Variants in SH3RF3 observed in about 807,000 individuals in gnomAD.
The protein encoded by SH3RF3 is SH3 domain containing ring finger 3.
Under a neutral mutation model 66.3 loss-of-function variants are expected in SH3RF3, and 29 were observed. The ratio of observed to expected loss-of-function variants is 0.44; its 90% confidence interval spans 0.33 to 0.60. SH3RF3 has a LOEUF of 0.60. Among genes scored for constraint, SH3RF3 ranks in the 20% least tolerant of loss-of-function variants. The probability of loss-of-function intolerance (pLI) is 0.04; values close to 1 mark genes in which losing one functional copy is unlikely to be tolerated. For missense variants in SH3RF3, 1,194 were observed against 1,190.9 expected (o/e 1.00, Z -0.04); for synonymous variants, 583 against 532.0 (o/e 1.10, Z -1.32).
chr2:109,256,665 T>G lies in SH3RF3; in HGVS notation c.574-91009T>G, dbSNP rs536457678. Among the ~76,000 whole-genome samples the G allele has an allele frequency of 2.0e-5, 3 of 152,304 alleles. No individual in the cohort carries two copies. In the East Asian group the frequency reaches 5.8e-4, roughly 29 times the overall value. ...ATTACTTTTTCCCTAGTCTTCGTGG[T>G]CTAAGTTTTGTTTTCTCAATCTTTC... On this transcript the variant is annotated intron_variant, in intron 1 of 9. Transcript: ENST00000309415.
intron 1 of SH3RF3, among the ~76,000 whole-genome samples, chr2:109,210,350 A>T (rs60120165): frequency 0.016 from 2,384 of 152,300 alleles, 80 homozygotes; most frequent in African/African-American, 0.053. Context: ...TTTTAATGTC[A>T]CTGATCTGTG....
chr2:109,387,816 C>T (rs971954096), intron 3 of SH3RF3, among the ~76,000 whole-genome samples: 12 of 152,104 alleles, frequency 7.9e-5, no homozygotes, highest in African/African-American at 2.9e-4. Context: ...CAGTAGGTGC[C>T]CAATTCCACC....
chr2:109,489,751 C>T (rs537523756), intron 8 of SH3RF3, among the ~76,000 whole-genome samples: 17 of 96,962 alleles, frequency 1.8e-4, no homozygotes, highest in Admixed American at 1.6e-3. Context: ...GGGGGGTGGG[C>T]GGGGGGGACG....
intron 7 of SH3RF3, among the ~76,000 whole-genome samples, chr2:109,439,281 G>A (rs368466902): frequency 3.3e-5 from 5 of 152,044 alleles, no homozygotes; most frequent in African/African-American, 1.2e-4. Context: ...ATGGTTAAAC[G>A]GCTCCCCAGT....
In SH3RF3 at chr2:109,150,171, C is replaced by A. The variant is rs1479173152; in HGVS notation, c.573+20058C>A. Among the ~76,000 whole-genome samples the A allele has an allele frequency of 2.0e-5, 3 of 152,110 alleles. No homozygotes were observed. The East Asian group carries it at 5.8e-4, about 29-fold the overall frequency. Reference sequence around the variant, plus strand: ...TTGTGAGAGCCAGCACCTGGAGAATCCTGCCAGATCTGCACCTGGAAGATG... The same window carrying A: ...TTGTGAGAGCCAGCACCTGGAGAATACTGCCAGATCTGCACCTGGAAGATG... On this transcript the variant is annotated intron_variant, in intron 1 of 9. Coordinates refer to ENST00000309415, the MANE Select transcript of SH3RF3 (RefSeq NM_001099289.3).
chr2:109,399,025 C>T, intron 4 of SH3RF3, 82 bp downstream of exon 4: 2 of 1,405,590 alleles, frequency 1.4e-6, no homozygotes, highest in African/African-American at 1.4e-5. Flanking sequence ...TCCCCCGTTC[C>T]TCAACTAGCA....
intron 1 of SH3RF3, among the ~76,000 whole-genome samples, chr2:109,326,647 TTTCTACA>T (rs1433716033): frequency 6.6e-6 from 1 of 152,242 alleles, no homozygotes; most frequent in Middle Eastern, 3.2e-3. Flanking sequence ...TTCATAGCCT[TTTCTACA>T]ATGCCTGTTT....
intron 3 of SH3RF3, among the ~76,000 whole-genome samples, chr2:109,380,164 T>C (rs1050744408): frequency 6.6e-6 from 1 of 152,192 alleles, no homozygotes; most frequent in African/African-American, 2.4e-5. Context: ...TTGGGTTTGT[T>C]TGTCTCCAGC....
chr2:109,429,012 C>G (rs775109998), intron 5 of SH3RF3, among the ~76,000 whole-genome samples: 3 of 152,178 alleles, frequency 2.0e-5, no homozygotes, highest in Non-Finnish European at 4.4e-5. Context: ...AACTGGCAGT[C>G]CTGACAGGAC....
chr2:109,130,114 G>A lies in SH3RF3; in HGVS notation c.573+1G>A. The A allele has an allele frequency of 7.6e-7, 1 of 1,308,014 alleles. No homozygotes were observed. Among genetic ancestry groups the A allele is most frequent in the Non-Finnish European group, 9.7e-7 (1 of 1,032,372 alleles). 81.0% of individuals were successfully genotyped at this position (1,308,014 alleles called of 1,614,324 possible). A position where few individuals can be genotyped will look rare whatever the true frequency, so the allele number is the denominator to read the frequency against. On this transcript the variant is annotated splice_donor_variant, in intron 1 of 9. Transcript: ENST00000309415. LOFTEE classifies it high-confidence loss of function. Reference sequence around the variant, plus strand: ...CAGCAGGACCGCGCCGGCGGCAAAGGTGAGTATCTGTCTCGGCGGAAGTGG... The same window carrying A: ...CAGCAGGACCGCGCCGGCGGCAAAGATGAGTATCTGTCTCGGCGGAAGTGG...
intron 5 of SH3RF3, among the ~76,000 whole-genome samples, chr2:109,421,871 C>T (rs920487330): frequency 1.3e-5 from 2 of 152,188 alleles, no homozygotes; most frequent in African/African-American, 4.8e-5. Context: ...GGCTGTTATA[C>T]TGAGTAGCAG....
intron 8 of SH3RF3, among the ~76,000 whole-genome samples, chr2:109,466,381 G>T (rs949704567): frequency 6.6e-6 from 1 of 152,116 alleles, no homozygotes; most frequent in African/African-American, 2.4e-5. Context: ...CGCCCAGCCT[G>T]TACATCTTTT....
At chr2:109,233,297 G>T (rs1259255107) in intron 1 of SH3RF3, among the ~76,000 whole-genome samples, 1 of 152,212 alleles carries the variant, frequency 6.6e-6, no homozygotes, top group African/African-American at 2.4e-5. Context: ...AGTGATGGAG[G>T]TGGCTCTCAG....
intron 8 of SH3RF3, among the ~76,000 whole-genome samples, chr2:109,469,791 C>A (rs1678455328): frequency 6.6e-6 from 1 of 152,168 alleles, no homozygotes; most frequent in South Asian, 2.1e-4. Flanking sequence ...AGCCAGAAAA[C>A]CGTGCTTTTC....
At chr2:109,314,666 A>G (rs988138684) in intron 1 of SH3RF3, among the ~76,000 whole-genome samples, 1 of 152,256 alleles carries the variant, frequency 6.6e-6, no homozygotes, top group Non-Finnish European at 1.5e-5. Context: ...ATCCTCCTTT[A>G]CATGCATAAG....
In SH3RF3 at chr2:109,419,466, T is replaced by C. The variant is rs949262319; in HGVS notation, c.1300-73T>C. ...AGCACAGGCACCTGTGGATGCAGCC[T>C]CATTTTGCTTTTCTCTTTCCCTTGG... On this transcript the variant is annotated intron_variant, in intron 4 of 9. Coordinates refer to ENST00000309415, the MANE Select transcript of SH3RF3 (RefSeq NM_001099289.3). The C allele has an allele frequency of 1.6e-5, 24 of 1,458,674 alleles. 1 individual carries two copies. The Middle Eastern group carries it at 1.6e-3, about 94-fold the overall frequency. The allele number at this position is 1,458,674 out of a possible 1,614,324, so 90.4% of individuals were successfully genotyped here.
chr2:109,154,723 GGGGGGTGAT>G (rs1339431498), intron 1 of SH3RF3, among the ~76,000 whole-genome samples: 2 of 152,206 alleles, frequency 1.3e-5, no homozygotes, highest in African/African-American at 4.8e-5. Flanking sequence ...CAAGGTCTGT[GGGGGGTGAT>G]GGTAGGGACT....
Position 109,393,950 on chromosome 2 carries a change from C to G in SH3RF3, c.946-4640C>G, listed in dbSNP as rs116543897. On this transcript the variant is annotated intron_variant, in intron 3 of 9. Transcript: ENST00000309415. The stretch of plus-strand genomic sequence containing the variant: ...TGGGGTGACTATACTCTGGCGCTGT[C>G]GTGGACCCAGCGCTGAAATTCCAGG... Among the ~76,000 whole-genome samples, 11 of 152,138 alleles carry G rather than the reference C, an allele frequency of 7.2e-5. No homozygotes were observed. The South Asian group carries it at 2.3e-3, about 32-fold the overall frequency.
chr2:109,306,881 G>A (rs764060769), intron 1 of SH3RF3, among the ~76,000 whole-genome samples: 6 of 152,222 alleles, frequency 3.9e-5, no homozygotes, highest in Non-Finnish European at 8.8e-5. Context: ...TTGGTTCAAC[G>A]GGTGTGCGGT....
Sources: allele counts gnomAD v4.1 joint callset (sites outside exome capture counted in the v4.1 genomes callset), GRCh38; gene constraint gnomAD v4.1.1; transcripts MANE v1.5; gene names NCBI Gene and HGNC (gene_info 2026-07-23, HGNC 2026-07-21).